PRKCZ: variants seen among roughly 807,000 people sequenced by gnomAD.
PRKCZ encodes protein kinase C zeta type.
A neutral mutation model predicts 79.5 loss-of-function variants in PRKCZ; 33 were observed. The ratio of observed to expected loss-of-function variants is 0.41; its 90% CI spans 0.31 to 0.55. The LOEUF is 0.55. PRKCZ is among the 20% of genes least tolerant of loss of function. The probability of loss-of-function intolerance (pLI) is 0.19; values close to 1 mark genes in which losing one functional copy is unlikely to be tolerated. For missense variants in PRKCZ, 578 were observed against 813.5 expected (o/e 0.71, Z 3.52); for synonymous variants, 342 against 320.9 (o/e 1.07, Z -0.70).
chr1:2,126,697 G>A (rs972056371), intron 4 of PRKCZ, among the ~76,000 whole-genome samples: 10 of 152,210 alleles, frequency 6.6e-5, no homozygotes, highest in Non-Finnish European at 1.5e-4. Context: ...ATGGCATTGC[G>A]CAGCTCCACC....
At chr1:2,157,129 G>A (rs939225041) in intron 10 of PRKCZ, among the ~76,000 whole-genome samples, 1 of 152,170 alleles carries the variant, frequency 6.6e-6, no homozygotes, top group African/African-American at 2.4e-5. Context: ...GCCAGAAGGT[G>A]GATAGCTCGG....
chr1:2,150,072 G>A (rs1679545991), intron 8 of PRKCZ, among the ~76,000 whole-genome samples: 1 of 148,126 alleles, frequency 6.8e-6, no homozygotes, highest in South Asian at 2.1e-4. Flanking sequence ...TGAGGCAGGA[G>A]AATGGCGTGA....
chr1:2,116,478 CTTTGATTT>C (rs1670787414), intron 4 of PRKCZ, among the ~76,000 whole-genome samples: 1 of 152,146 alleles, frequency 6.6e-6, no homozygotes, highest in Non-Finnish European at 1.5e-5. Flanking sequence ...GAGACAAGTG[CTTTGATTT>C]TTTGTGTTGC....
At chr1:2,108,066 G>A (rs370215857) in intron 4 of PRKCZ, among the ~76,000 whole-genome samples, 21 of 152,364 alleles carry the variant, frequency 1.4e-4, no homozygotes, top group African/African-American at 5.0e-4. Context: ...AGTCGGGGTG[G>A]TTGGATGCCT....
chr1:2,181,809 CCT>C (rs1210265325), intron 16 of PRKCZ: 3 of 455,446 alleles, frequency 6.6e-6, no homozygotes, highest in South Asian at 1.5e-5. Flanking sequence ...AGGAAATGCC[CCT>C]TTTTCACATT....
intron 4 of PRKCZ, among the ~76,000 whole-genome samples, chr1:2,108,635 T>C (rs1571440045): frequency 6.6e-6 from 1 of 152,162 alleles, no homozygotes; most frequent in Admixed American, 6.5e-5. Context: ...CCAGGACTCT[T>C]GAGTAGTTGG....
At position 2,178,902 on chromosome 1, in the gene PRKCZ, A is replaced by G. The variant is rs1044739552; in HGVS notation, c.1575+3589A>G. On this transcript the variant is annotated intron_variant, in intron 16 of 17. Coordinates refer to ENST00000378567, the MANE Select transcript of PRKCZ (RefSeq NM_002744.6). This position sits in a 1 kb window ranked among gnomAD's most constrained non-coding sequence, Gnocchi z 4.3. ...CCGCCCCCCGAGTGTCCGAGGGTAG[A>G]GCTGGGACAGGGTCACAGTCACCCC... Among the ~76,000 whole-genome samples, 1 of 152,074 alleles carries G rather than the reference A, an allele frequency of 6.6e-6. No individual in the cohort carries two copies. Among genetic ancestry groups the G allele is most frequent in the Non-Finnish European group, 1.5e-5 (1 of 67,998 alleles).
chr1:2,148,893 G>C lies in PRKCZ; in HGVS notation c.656G>C (p.Arg219Pro). 6.2e-7 allele frequency: 1 copy of C among 1,613,886 alleles called. No homozygotes were observed. Among genetic ancestry groups the C allele is most frequent in the Middle Eastern group, 1.6e-4 (1 of 6,062 alleles). ...CCAGTTGCTTACATTTCCTCATCCC[G>C]GAAGCATGACAGCATTAAAGACGAC... Reference protein sequence around the residue: ...TDGIAYISSSRKHDSIKDDSE... With the variant: ...TDGIAYISSSPKHDSIKDDSE... Residue 219 changes from arginine to proline, a missense_variant, in exon 8 of 18, where the codon CGG becomes CCG. Transcript: ENST00000378567.
At chr1:2,144,018 C>G in intron 5 of PRKCZ, 192 bp from the exon 6 acceptor site, 1 of 720,040 alleles carries the variant, frequency 1.4e-6, no homozygotes, top group East Asian at 3.0e-5. Flanking sequence ...GTTCCCCCAA[C>G]CTTGGGATAG....
chr1:2,159,807 A>G (rs1681851713), intron 10 of PRKCZ, among the ~76,000 whole-genome samples: 1 of 152,210 alleles, frequency 6.6e-6, no homozygotes, highest in Admixed American at 6.5e-5. Flanking sequence ...CACCTTTTCC[A>G]GACAGCAGCC....
At chr1:2,146,440 A>G (rs775249285) in intron 7 of PRKCZ, among the ~76,000 whole-genome samples, 1 of 152,202 alleles carries the variant, frequency 6.6e-6, no homozygotes. Context: ...AGCAGCCACC[A>G]TGGCCGGGCA....
chr1:2,174,915 T>C lies in PRKCZ; in HGVS notation c.1485+82T>C. 2 of 1,401,514 alleles carry C rather than the reference T, an allele frequency of 1.4e-6. No homozygotes were observed. Among genetic ancestry groups the C allele is most frequent in the South Asian group, 2.3e-5 (2 of 85,386 alleles). 86.8% of individuals were successfully genotyped at this position (1,401,514 alleles called of 1,614,324 possible). ...GAGGGCCAGGCACGGCTGTTGGCCATTTTTTCATGTCGGCTGCTGTGTATC... is the reference window on the plus strand; with the variant it reads ...GAGGGCCAGGCACGGCTGTTGGCCACTTTTTCATGTCGGCTGCTGTGTATC... On this transcript the variant is annotated intron_variant, in intron 15 of 17. Transcript: ENST00000378567. The surrounding 1 kb of genome is among the most constrained non-coding windows in gnomAD (Gnocchi z 6.2).
rs1659536922 is a variant in PRKCZ, at chr1:2,050,489, T to G, written c.-142T>G. The G allele has an allele frequency of 8.7e-6, 3 of 345,770 alleles. No individual in the cohort carries two copies. The highest frequency in any genetic ancestry group is 9.3e-6 in the Non-Finnish European group (2 of 215,022). The allele number at this position is 345,770 out of a possible 1,614,324, so 21.4% of individuals were successfully genotyped here. A position where few individuals can be genotyped will look rare whatever the true frequency, so the allele number is the denominator to read the frequency against. On this transcript the variant is annotated 5_prime_UTR_variant, in exon 1 of 18. Coordinates refer to ENST00000378567, the MANE Select transcript of PRKCZ (RefSeq NM_002744.6). Reference sequence around the variant, plus strand: ...GCTCCCGCCCCGCGCGCCGCCGGAGTTCCGCGGAGTTGACCGGGTCGGCGC... The same window carrying G: ...GCTCCCGCCCCGCGCGCCGCCGGAGGTCCGCGGAGTTGACCGGGTCGGCGC...
intron 4 of PRKCZ, among the ~76,000 whole-genome samples, chr1:2,067,460 C>T (rs571811761): frequency 6.6e-6 from 1 of 152,310 alleles, no homozygotes; most frequent in South Asian, 2.1e-4. Flanking sequence ...TCAGGAGCGC[C>T]TGGTTTTTTG....
chr1:2,055,331 T>C (rs1557469997), intron 1 of PRKCZ, 110 bp from the exon 2 acceptor site: 13 of 1,351,814 alleles, frequency 9.6e-6, no homozygotes, highest in Admixed American at 5.2e-5. Context: ...ATATTGTCTT[T>C]GGGGAAAGTT....
At chr1:2,167,857 G>A (rs1361395282) in intron 10 of PRKCZ, among the ~76,000 whole-genome samples, 2 of 148,548 alleles carry the variant, frequency 1.3e-5, no homozygotes, top group African/African-American at 5.0e-5. Context: ...TGCTTGCCTT[G>A]GCCTCCCAGA....
At position 2,156,246 on chromosome 1, in the gene PRKCZ, C is replaced by A. The variant is rs540367378; in HGVS notation, c.974+154C>A. 3.3e-5 allele frequency: 21 copies of A among 638,530 alleles called. No individual in the cohort carries two copies. In the African/African-American group the frequency reaches 3.5e-4, roughly 11 times the overall value. 39.6% of individuals were successfully genotyped at this position (638,530 alleles called of 1,614,324 possible). A position where few individuals can be genotyped will look rare whatever the true frequency, so the allele number is the denominator to read the frequency against. ...GCCAGCAGACTCTCTTTGTTGTTCT[C>A]CTTGGTTGGTGTCATATTAAGTACA... On this transcript the variant is annotated intron_variant, in intron 10 of 17. Coordinates refer to ENST00000378567, the MANE Select transcript of PRKCZ (RefSeq NM_002744.6).
chr1:2,074,588 CTT>C, intron 4 of PRKCZ: 1 of 502,862 alleles, frequency 2.0e-6, no homozygotes, highest in Non-Finnish European at 3.6e-6. Flanking sequence ...GGCCTGCGGT[CTT>C]TCCGTCTCGA....
Position 2,082,345 on chromosome 1 carries a change from C to A in PRKCZ, c.334+22754C>A. 2.2e-6 allele frequency: 1 copy of A among 455,660 alleles called. No individual in the cohort carries two copies. The allele number at this position is 455,660 out of a possible 1,614,324, so 28.2% of individuals were successfully genotyped here. Reference sequence around the variant, plus strand: ...GATGGACTTGGCAAATCACCTCTTTCAAGTTGCCGGCTACCCGGCTGCCGT... The same window carrying A: ...GATGGACTTGGCAAATCACCTCTTTAAAGTTGCCGGCTACCCGGCTGCCGT... On this transcript the variant is annotated intron_variant, in intron 4 of 17. Coordinates refer to ENST00000378567, the MANE Select transcript of PRKCZ (RefSeq NM_002744.6). This position sits in a 1 kb window ranked among gnomAD's most constrained non-coding sequence, Gnocchi z 4.4.
Sources: gnomAD v4.1 joint callset for allele counts (sites outside exome capture counted in the v4.1 genomes callset) on GRCh38, gnomAD v4.1.1 for gene constraint, Gnocchi (gnomAD v3.1) non-coding constraint, MANE v1.5 for transcripts, NCBI Gene and HGNC (gene_info 2026-07-23, HGNC 2026-07-21) for gene names.